The following CHRDL1 variants were observed in gnomAD, a reference collection of about 807,000 sequenced individuals.
CHRDL1 encodes the protein chordin-like protein 1.
In CHRDL1, 19 loss-of-function variants were observed where a neutral mutation model predicts 40.9. The ratio of observed to expected loss-of-function variants is 0.46; its 90% CI spans 0.32 to 0.68. CHRDL1 has a LOEUF of 0.68. Among genes scored for constraint, CHRDL1 ranks in the 30% least tolerant of loss-of-function variants. CHRDL1 has a pLI of 0.03. For synonymous variants in CHRDL1, 136 were observed against 123.4 expected (o/e 1.10, Z -0.68); for missense variants, 329 against 352.1 (o/e 0.93, Z 0.53).
intron 4 of CHRDL1, among the ~76,000 whole-genome samples, chrX:110,728,261 T>G (rs1297005398): frequency 9.0e-6 from 1 of 111,081 alleles, no homozygotes; most frequent in African/African-American, 3.3e-5. Flanking sequence ...AATAAGATAT[T>G]CTATTGCATT....
chrX:110,690,031 ATATATATC>A lies in CHRDL1; in HGVS notation c.779-1236_779-1229del, dbSNP rs2070236344. On this transcript the variant is annotated intron_variant, in intron 8 of 11. Coordinates refer to ENST00000372042, the MANE Select transcript of CHRDL1 (RefSeq NM_001143981.2). ...TATATATCTATATATCTGTATATCT[ATATATATC>A]TATATATATATATATTTTTTTTTTG... Among the ~76,000 whole-genome samples the A allele has an allele frequency of 3.5e-5, 2 of 56,702 alleles. 1 individual carries two copies. Among genetic ancestry groups the A allele is most frequent in the African/African-American group, 2.5e-4 (2 of 7,886 alleles). 49.2% of individuals were successfully genotyped at this position (56,702 alleles called of 115,157 possible). A position where few individuals can be genotyped will look rare whatever the true frequency, so the allele number is the denominator to read the frequency against.
At chrX:110,762,306 T>C (rs2089577038) in intron 3 of CHRDL1, among the ~76,000 whole-genome samples, 2 of 112,108 alleles carry the variant, frequency 1.8e-5, no homozygotes, top group Non-Finnish European at 3.8e-5. Context: ...AGATAGGGTC[T>C]TGTTCTGTCA....
At chrX:110,788,315 G>A (rs961252628) in intron 2 of CHRDL1, among the ~76,000 whole-genome samples, 5 of 111,827 alleles carry the variant, frequency 4.5e-5, no homozygotes, top group Non-Finnish European at 9.4e-5. Context: ...TCCTTGTGAT[G>A]AGCTTTCCAC....
At chrX:110,689,863 ATATATCTATATATATC>A (rs2070203532) in intron 8 of CHRDL1, among the ~76,000 whole-genome samples, 2 of 82,967 alleles carry the variant, frequency 2.4e-5, no homozygotes, top group African/African-American at 5.2e-5. Context: ...ATATATATCT[ATATATCTATATATATC>A]TATATATCTA....
At chrX:110,691,776 G>A (rs1009468089) in intron 8 of CHRDL1, among the ~76,000 whole-genome samples, 6 of 111,646 alleles carry the variant, frequency 5.4e-5, no homozygotes, top group African/African-American at 1.6e-4. Context: ...GTCAACCCAC[G>A]TAAAGATTTC....
At chrX:110,755,587 C>T (rs1460970987) in intron 4 of CHRDL1, among the ~76,000 whole-genome samples, 4 of 112,176 alleles carry the variant, frequency 3.6e-5, no homozygotes, top group African/African-American at 1.3e-4. Context: ...TAGGCAAAAG[C>T]TTCTCTAAAT....
At chrX:110,791,826 G>A (rs1176520487) in intron 2 of CHRDL1, among the ~76,000 whole-genome samples, 1 of 111,876 alleles carries the variant, frequency 8.9e-6, no homozygotes, top group Non-Finnish European at 1.9e-5. Context: ...TTTAGAACAG[G>A]GAAGAGAAAA....
chrX:110,676,463 G>A lies in CHRDL1; in HGVS notation c.1247-102C>T, dbSNP rs139929113. The A allele has an allele frequency of 8.2e-4, 596 of 727,778 alleles. 4 individuals are homozygous for A. In the African/African-American group the frequency reaches 0.011, roughly 14 times the overall value. The allele number at this position is 727,778 out of a possible 1,213,427, so 60.0% of individuals were successfully genotyped here. On this transcript the variant is annotated intron_variant, in intron 11 of 11. Transcript: ENST00000372042. ...ACCCCATGCTTACCCACTTACTCAT[G>A]GACCTACCAGGGAATTTGGAATACA...
Position 110,681,583 on chromosome X carries a change from T to C in CHRDL1, c.1055A>G (p.Tyr352Cys), listed in dbSNP as rs760529454. Reference sequence around the variant, plus strand: ...CCCATCCTCCATGAATACAGACTCATACACAGGCATCGTTTCTTCCCCGCA... The same window carrying C: ...CCCATCCTCCATGAATACAGACTCACACACAGGCATCGTTTCTTCCCCGCA... ...YFCGEETMPV[Y>C]ESVFMEDGET... The change falls in exon 10 of 12, where the codon TAT becomes TGT. Residue 352 changes from tyrosine to cysteine, a missense_variant. By Grantham distance (194) the Tyr-to-Cys change is radical (BLOSUM62 -2). Coordinates refer to ENST00000372042, the MANE Select transcript of CHRDL1 (RefSeq NM_001143981.2). 3 of 1,203,912 alleles carry C rather than the reference T, an allele frequency of 2.5e-6. No homozygotes were observed. In the African/African-American group the frequency reaches 5.3e-5, roughly 21 times the overall value.
rs750117859 is a variant in CHRDL1 at position 110,683,363 on chromosome X, T to C, written c.989-1714A>G. Among the ~76,000 whole-genome samples the C allele has an allele frequency of 4.4e-4, 49 of 112,417 alleles. 1 individual carries two copies. Among genetic ancestry groups the C allele is most frequent in the Middle Eastern group, 9.2e-3 (2 of 217 alleles). On this transcript the variant is annotated intron_variant, in intron 9 of 11. Coordinates refer to ENST00000372042, the MANE Select transcript of CHRDL1 (RefSeq NM_001143981.2). The stretch of plus-strand genomic sequence containing the variant: ...TCTGATCACTATAGTTCACCTACTC[T>C]CATTTTCTTTTGGGGAAGACAATGT...
chrX:110,793,093 A>G (rs767972595), intron 1 of CHRDL1, among the ~76,000 whole-genome samples: 80 of 112,490 alleles, frequency 7.1e-4, no homozygotes, highest in Non-Finnish European at 1.1e-3. Flanking sequence ...TAGAGTTTGC[A>G]AAATTCCTCC....
intron 2 of CHRDL1, among the ~76,000 whole-genome samples, chrX:110,765,556 G>T (rs2089645720): frequency 9.0e-6 from 1 of 111,686 alleles, no homozygotes; most frequent in Admixed American, 9.5e-5. Flanking sequence ...TGTTGAAAAG[G>T]ACCCCCACAT....
intron 4 of CHRDL1, among the ~76,000 whole-genome samples, chrX:110,749,114 A>G (rs2089309442): frequency 9.0e-6 from 1 of 111,581 alleles, no homozygotes; most frequent in South Asian, 3.8e-4. Context: ...TCTCCTTCTC[A>G]ATATCCATTT....
chrX:110,697,868 ACACACACACACG>A (rs2070429850), intron 7 of CHRDL1, among the ~76,000 whole-genome samples: 1 of 97,164 alleles, frequency 1.0e-5, no homozygotes. Context: ...ACACACACAC[ACACACACACACG>A]CAGACACACT....
chrX:110,716,206 A>T (rs2070838221), intron 6 of CHRDL1, among the ~76,000 whole-genome samples: 1 of 111,691 alleles, frequency 9.0e-6, no homozygotes, highest in South Asian at 3.8e-4. Flanking sequence ...TTTCCTATTG[A>T]CGAGGAATCA....
At position 110,686,916 on chromosome X, in the gene CHRDL1, G is replaced by A. The variant is rs865797141; in HGVS notation, c.988+1678C>T. On this transcript the variant is annotated intron_variant, in intron 9 of 11. Coordinates refer to ENST00000372042, the MANE Select transcript of CHRDL1 (RefSeq NM_001143981.2). ...CAAAAAATAAAAAAAAAAATAAAAAGAATGTGTTCTCTCTGTATTCGTAAT... is the reference window on the plus strand; with the variant it reads ...CAAAAAATAAAAAAAAAAATAAAAAAAATGTGTTCTCTCTGTATTCGTAAT... 2.9e-3 allele frequency among the ~76,000 whole-genome samples: 224 copies of A among 78,260 alleles called. 1 individual carries two copies. The highest frequency in any genetic ancestry group is 6.0e-3 in the Middle Eastern group (1 of 166). The allele number at this position is 78,260 out of a possible 115,157, so 68.0% of individuals were successfully genotyped here.
chrX:110,725,588 A>C (rs2071040931), intron 4 of CHRDL1, among the ~76,000 whole-genome samples: 1 of 110,839 alleles, frequency 9.0e-6, no homozygotes, highest in Non-Finnish European at 1.9e-5. Context: ...CCAAGTCCTC[A>C]TGCTGACTGC....
At chrX:110,767,587 TA>T (rs1178187623) in intron 2 of CHRDL1, among the ~76,000 whole-genome samples, 1 of 96,146 alleles carries the variant, frequency 1.0e-5, no homozygotes, top group Non-Finnish European at 2.0e-5. Context: ...CAACCCCTTT[TA>T]CAAAGGATGC....
rs1475149616 is a variant in CHRDL1, at chrX:110,793,775, T to C, written c.-34-1560A>G. On this transcript the variant is annotated intron_variant, in intron 1 of 11. Transcript: ENST00000372042. ...AAACCATGGTTTTAGGGTCTCCCCATGCGAGAATCAACAGGGCTGCTTTTC... is the reference window on the plus strand; with the variant it reads ...AAACCATGGTTTTAGGGTCTCCCCACGCGAGAATCAACAGGGCTGCTTTTC... 2.7e-5 allele frequency among the ~76,000 whole-genome samples: 3 copies of C among 112,085 alleles called. No individual in the cohort carries two copies. The East Asian group carries it at 8.3e-4, about 31-fold the overall frequency.
Sources: gnomAD v4.1 joint callset for allele counts (sites outside exome capture counted in the v4.1 genomes callset) on GRCh38, gnomAD v4.1.1 for gene constraint, MANE v1.5 for transcripts, NCBI Gene and HGNC (gene_info 2026-07-23, HGNC 2026-07-21) for gene names.